The following AFF2 variants were observed in gnomAD, a reference collection of about 807,000 sequenced individuals.
AFF2 encodes ALF transcription elongation factor 2, also known as AF4/FMR2 family member 2.
In AFF2, 14 loss-of-function variants were observed where a neutral mutation model predicts 76.9. The observed-to-expected ratio is 0.18, with a 90% CI of 0.12 to 0.28. The LOEUF is 0.28. Among genes scored for constraint, AFF2 ranks in the 10% least tolerant of loss-of-function variants. AFF2 has a pLI of 1.00. For synonymous variants in AFF2, 398 were observed against 366.7 expected, an observed-to-expected ratio of 1.09 and a Z score of -0.98; for missense variants, 868 against 1,001.1, an observed-to-expected ratio of 0.87 and a Z score of 1.79.
chrX:148,727,638 C>T (rs1198127131), intron 3 of AFF2, among the ~76,000 whole-genome samples: 1 of 111,441 alleles, frequency 9.0e-6, no homozygotes, highest in Non-Finnish European at 1.9e-5. Flanking sequence ...GTTTGGAACA[C>T]GTTGAAAATC....
chrX:148,858,704 T>A (rs1318914297), intron 7 of AFF2, among the ~76,000 whole-genome samples: 6 of 111,109 alleles, frequency 5.4e-5, no homozygotes, highest in Admixed American at 4.8e-4. Flanking sequence ...AAAACCCCAC[T>A]TCATTCACAA....
rs1252866845 is a variant in AFF2 at position 148,996,598 on chromosome X, G to A, written c.*5266G>A. The A allele has an allele frequency of 8.9e-6, 1 of 112,087 alleles. No individual in the cohort carries two copies. The highest frequency in any genetic ancestry group is 1.9e-5 in the Non-Finnish European group (1 of 53,203). 9.2% of individuals were successfully genotyped at this position (112,087 alleles called of 1,213,427 possible). A position where few individuals can be genotyped will look rare whatever the true frequency, so the allele number is the denominator to read the frequency against. ...AAACTCACCCTTACACACACACTTC[G>A]ATGACTAAAACAATTACATAGTTTT... On this transcript the variant is annotated 3_prime_UTR_variant, in exon 21 of 21. Transcript: ENST00000370460.
At chrX:148,753,126 G>A (rs1228185337) in intron 3 of AFF2, among the ~76,000 whole-genome samples, 1 of 111,360 alleles carries the variant, frequency 9.0e-6, no homozygotes, top group Non-Finnish European at 1.9e-5. Flanking sequence ...TTTGTCTGTG[G>A]GGGAGGAAAT....
At position 148,971,785 on chromosome X, in the gene AFF2, T is replaced by C. The variant is rs1306943540; in HGVS notation, c.3268-1686T>C. Among the ~76,000 whole-genome samples the C allele has an allele frequency of 1.2e-4, 9 of 77,571 alleles. No homozygotes were observed. The East Asian group carries it at 3.6e-3, about 31-fold the overall frequency. The allele number at this position is 77,571 out of a possible 115,157, so 67.4% of individuals were successfully genotyped here. On this transcript the variant is annotated intron_variant, in intron 15 of 20. Transcript: ENST00000370460. ...TTTTTTTTTTAATGTTTTTTTTTTT[T>C]ATTATACTCTAAGTTTTAGGGTACA...
chrX:148,818,185 A>G (rs2124647628), intron 4 of AFF2, among the ~76,000 whole-genome samples: 1 of 112,157 alleles, frequency 8.9e-6, no homozygotes, highest in Non-Finnish European at 1.9e-5. Flanking sequence ...CATTATACAT[A>G]TATTGTTTTC....
At chrX:148,541,255 C>T (rs1371987378) in intron 1 of AFF2, among the ~76,000 whole-genome samples, 7 of 112,394 alleles carry the variant, frequency 6.2e-5, no homozygotes, top group Non-Finnish European at 1.1e-4. Context: ...ATACAGTTAA[C>T]GTTTCATTAC....
intron 3 of AFF2, among the ~76,000 whole-genome samples, chrX:148,720,161 T>C (rs1557263661): frequency 9.0e-6 from 1 of 111,359 alleles, no homozygotes; most frequent in African/African-American, 3.3e-5. Flanking sequence ...GTAATTCACC[T>C]TGCTGAAGTG....
chrX:148,648,274 T>A (rs1013265856), intron 1 of AFF2, among the ~76,000 whole-genome samples: 1 of 110,921 alleles, frequency 9.0e-6, no homozygotes, highest in Non-Finnish European at 1.9e-5. Flanking sequence ...AATATAAAAA[T>A]CCTGGGCTGG....
chrX:148,508,624 G>A (rs2052450113), intron 1 of AFF2, among the ~76,000 whole-genome samples: 1 of 111,546 alleles, frequency 9.0e-6, no homozygotes, highest in African/African-American at 3.3e-5. Context: ...ATGCAATTAC[G>A]TAGGCTTTAT....
rs1603356090 is a variant in AFF2, at chrX:148,999,646, T to C, written c.*8314T>C. ...TGTGTGTCCCTGCATGTGCAACATG[T>C]CTAGCTTGCTGTCCTTCATGGGATT... On this transcript the variant is annotated 3_prime_UTR_variant, in exon 21 of 21. Transcript: ENST00000370460. The C allele has an allele frequency of 9.0e-6, 1 of 111,479 alleles. No individual in the cohort carries two copies. The highest frequency in any genetic ancestry group is 3.3e-5 in the African/African-American group (1 of 30,330). The allele number at this position is 111,479 out of a possible 1,213,427, so 9.2% of individuals were successfully genotyped here. A position where few individuals can be genotyped will look rare whatever the true frequency, so the allele number is the denominator to read the frequency against.
chrX:148,726,623 T>C (rs1242690631), intron 3 of AFF2, among the ~76,000 whole-genome samples: 2 of 112,003 alleles, frequency 1.8e-5, no homozygotes, highest in Non-Finnish European at 3.8e-5. Flanking sequence ...CCTGCAGTAT[T>C]GATCTCAGTC....
intron 8 of AFF2, among the ~76,000 whole-genome samples, chrX:148,891,478 G>T (rs1013179948): frequency 4.5e-5 from 5 of 111,544 alleles, no homozygotes; most frequent in Non-Finnish European, 7.5e-5. Context: ...TTTTAACAAA[G>T]AAATTGTATG....
chrX:148,843,478 G>T, intron 7 of AFF2, 45 bp downstream of exon 7: 2 of 1,092,179 alleles, frequency 1.8e-6, no homozygotes, highest in Non-Finnish European at 2.5e-6. Context: ...GGGATATTTG[G>T]CAAGGAAACA....
At position 148,581,790 on chromosome X, in the gene AFF2, C is replaced by A. The variant is rs186655862; in HGVS notation, c.48-70209C>A. ...TGTATACTTACTAAAAATAAAGATT[C>A]TTTTACATAAGCACAGCATATTGAT... On this transcript the variant is annotated intron_variant, in intron 1 of 20. Coordinates refer to ENST00000370460, the MANE Select transcript of AFF2 (RefSeq NM_002025.4). Among the ~76,000 whole-genome samples, 6 of 112,205 alleles carry A rather than the reference C, an allele frequency of 5.3e-5. No individual in the cohort carries two copies. In the East Asian group the frequency reaches 1.7e-3, roughly 32 times the overall value.
chrX:148,918,162 C>A (rs1411278736), intron 9 of AFF2, among the ~76,000 whole-genome samples: 1 of 112,241 alleles, frequency 8.9e-6, no homozygotes, highest in Non-Finnish European at 1.9e-5. Context: ...TCTTTCTGTT[C>A]ATTCAGGCAG....
At chrX:148,528,908 A>G (rs1255105950) in intron 1 of AFF2, among the ~76,000 whole-genome samples, 9 of 111,092 alleles carry the variant, frequency 8.1e-5, no homozygotes, top group African/African-American at 2.9e-4. Flanking sequence ...ATCTGAGAAC[A>G]TTCATACAAA....
At chrX:148,735,794 A>G (rs1208331107) in intron 3 of AFF2, among the ~76,000 whole-genome samples, 3 of 110,696 alleles carry the variant, frequency 2.7e-5, no homozygotes, top group African/African-American at 6.6e-5. Flanking sequence ...CAAGTCCCCA[A>G]AGTCCATTGT....
intron 7 of AFF2, among the ~76,000 whole-genome samples, chrX:148,847,294 G>T (rs1181284600): frequency 1.8e-5 from 2 of 111,973 alleles, no homozygotes; most frequent in Non-Finnish European, 3.8e-5. Context: ...TTTCAGGCAG[G>T]TTCCATGAAC....
intron 1 of AFF2, among the ~76,000 whole-genome samples, chrX:148,506,580 T>TTATA (rs1287517579): frequency 9.3e-6 from 1 of 107,864 alleles, no homozygotes; most frequent in Non-Finnish European, 1.9e-5. Context: ...GAATGGAAAA[T>TTATA]TATATATATA....
Sources: allele counts gnomAD v4.1 joint callset (sites outside exome capture counted in the v4.1 genomes callset), GRCh38; gene constraint gnomAD v4.1.1; transcripts MANE v1.5; gene names NCBI Gene and HGNC (gene_info 2026-07-23, HGNC 2026-07-21).